Variants in TMTC3 observed in about 807,000 individuals in gnomAD.
TMTC3 encodes the protein transmembrane O-mannosyltransferase targeting cadherins 3.
Under a neutral mutation model 92.2 loss-of-function variants are expected in TMTC3, and 52 were observed. The ratio of observed to expected loss-of-function variants is 0.56; its 90% CI spans 0.45 to 0.71. The LOEUF (loss-of-function observed/expected upper bound fraction) is 0.71. Among genes scored for constraint, TMTC3 ranks in the 30% least tolerant of loss-of-function variants. The pLI is 0.00. For missense variants in TMTC3, 896 were observed against 1,057.1 expected (o/e 0.85, Z 2.11); for synonymous variants, 339 against 363.3 (o/e 0.93, Z 0.76).
chr12:88,174,730 A>C lies in TMTC3; in HGVS notation c.1320+3A>C, dbSNP rs1335522685. ...CATTGTTTATGTCAGCCTTGAAGGT[A>C]AAGTGTTGTTCAGAATGACAGGAAA... On this transcript the variant is annotated splice_donor_region_variant and intron_variant, in intron 9 of 13. Transcript: ENST00000266712. 1 of 1,611,632 alleles carries C rather than the reference A, an allele frequency of 6.2e-7. No homozygotes were observed. Among genetic ancestry groups the C allele is most frequent in the Non-Finnish European group, 8.5e-7 (1 of 1,178,730 alleles).
intron 3 of TMTC3, 117 bp from the exon 4 acceptor site, chr12:88,154,171 T>G (rs2040978136): frequency 1.4e-6 from 1 of 717,670 alleles, no homozygotes; most frequent in African/African-American, 1.8e-5. Context: ...AAAGAATGTT[T>G]AAGAAACAAA....
chr12:88,178,031 T>TA (rs1447831196), intron 10 of TMTC3, among the ~76,000 whole-genome samples: 5 of 152,116 alleles, frequency 3.3e-5, no homozygotes, highest in Middle Eastern at 3.2e-3. Context: ...ATAATAGAGT[T>TA]AAATTACAAT....
chr12:88,164,885 T>G (rs2041126647), intron 6 of TMTC3, among the ~76,000 whole-genome samples: 1 of 152,154 alleles, frequency 6.6e-6, no homozygotes, highest in African/African-American at 2.4e-5. Flanking sequence ...AATAATTACT[T>G]GTTAATATCC....
In TMTC3 at chr12:88,196,752, C is replaced by CAAG. The variant is rs1268863546; in HGVS notation, c.*1104_*1106dup. On this transcript the variant is annotated 3_prime_UTR_variant, in exon 14 of 14. Transcript: ENST00000266712. Reference sequence around the variant, plus strand: ...AAATATTTGAAGCTATTTTAATCATCAAGTATGGAAAACAAATTACTATTG... The same window carrying CAAG: ...AAATATTTGAAGCTATTTTAATCATCAAGAAGTATGGAAAACAAATTACTATTG... The CAAG allele has an allele frequency of 6.6e-6, 1 of 151,694 alleles. No homozygotes were observed. Among genetic ancestry groups the CAAG allele is most frequent in the Non-Finnish European group, 1.5e-5 (1 of 67,762 alleles). 9.4% of individuals were successfully genotyped at this position (151,694 alleles called of 1,614,324 possible). A position where few individuals can be genotyped will look rare whatever the true frequency, so the allele number is the denominator to read the frequency against.
chr12:88,196,848 A>AAAAG lies in TMTC3; in HGVS notation c.*1201_*1204dup, dbSNP rs2041519148. The AAAAG allele has an allele frequency of 6.6e-6, 1 of 151,880 alleles. No individual in the cohort carries two copies. The highest frequency in any genetic ancestry group is 2.4e-5 in the African/African-American group (1 of 41,438). The allele number at this position is 151,880 out of a possible 1,614,324, so 9.4% of individuals were successfully genotyped here. A position where few individuals can be genotyped will look rare whatever the true frequency, so the allele number is the denominator to read the frequency against. On this transcript the variant is annotated 3_prime_UTR_variant, in exon 14 of 14. Transcript: ENST00000266712. The stretch of plus-strand genomic sequence containing the variant: ...CATTTTTGGCCTAATGTCTGGATAT[A>AAAAG]AAAGATAATTAGCCTACTATAGTAT...
chr12:88,172,513 A>T lies in TMTC3; in HGVS notation c.1051-84A>T, dbSNP rs934509619. On this transcript the variant is annotated intron_variant, in intron 7 of 13. Transcript: ENST00000266712. ...AATGATAAAATATTTGGATTCAAGTATCAGATGCCCATATATTTCTTAATT... is the reference window on the plus strand; with the variant it reads ...AATGATAAAATATTTGGATTCAAGTTTCAGATGCCCATATATTTCTTAATT... 1.1e-5 allele frequency: 8 copies of T among 733,742 alleles called. No individual in the cohort carries two copies. In the African/African-American group the frequency reaches 1.3e-4, roughly 12 times the overall value. The allele number at this position is 733,742 out of a possible 1,614,324, so 45.5% of individuals were successfully genotyped here.
At chr12:88,189,361 G>A (rs1461010245) in intron 11 of TMTC3, among the ~76,000 whole-genome samples, 6 of 151,898 alleles carry the variant, frequency 4.0e-5, no homozygotes, top group Non-Finnish European at 7.4e-5. Flanking sequence ...CAAAGTGCTG[G>A]GATTACAGGC....
intron 4 of TMTC3, among the ~76,000 whole-genome samples, chr12:88,159,897 CTT>C (rs2041055758): frequency 6.6e-6 from 1 of 151,842 alleles, no homozygotes; most frequent in Non-Finnish European, 1.5e-5. Context: ...TAATTTTTCT[CTT>C]TGTAAAAAAT....
At chr12:88,190,649 A>G (rs2041432144) in intron 12 of TMTC3, 27 bp downstream of exon 12, 1 of 1,604,214 alleles carries the variant, frequency 6.2e-7, no homozygotes, top group South Asian at 1.1e-5. Flanking sequence ...TTAAGCTATC[A>G]TTATGGAATA....
Position 88,169,715 on chromosome 12 carries a change from G to A in TMTC3, c.1051-2882G>A, listed in dbSNP as rs141530124. Among the ~76,000 whole-genome samples, 32 of 152,236 alleles carry A rather than the reference G, an allele frequency of 2.1e-4. No homozygotes were observed. In the East Asian group the frequency reaches 6.0e-3, roughly 29 times the overall value. On this transcript the variant is annotated intron_variant, in intron 7 of 13. Transcript: ENST00000266712. Reference sequence around the variant, plus strand: ...GTGCCTTGGGAGGCAGAAATGGGAAGATCACTGGAGGCCAGGAGTTTGGGA... The same window carrying A: ...GTGCCTTGGGAGGCAGAAATGGGAAAATCACTGGAGGCCAGGAGTTTGGGA...
rs183013923 is a variant in TMTC3 at position 88,165,860 on chromosome 12, G to T, written c.798-470G>T. 5.7e-4 allele frequency among the ~76,000 whole-genome samples: 86 copies of T among 152,154 alleles called. 2 individuals carry two copies. The highest frequency in any genetic ancestry group is 1.0e-4 in the Non-Finnish European group (7 of 67,940). ...TCTCCATGACAGAAGAAAAATATAC[G>T]AATTTTTTCCAGGAAGCATAATTTT... is the stretch of plus-strand genomic sequence containing the variant. On this transcript the variant is annotated intron_variant, in intron 6 of 13. Coordinates refer to ENST00000266712, the MANE Select transcript of TMTC3 (RefSeq NM_181783.4).
Position 88,190,570 on chromosome 12 carries a change from T to C in TMTC3, c.1654T>C (p.Tyr552His), listed in dbSNP as rs890287780. ...CCGACTGGAAGAAGCAGATCAGCTG[T>C]ACCGTCAAGCAATAAGCATGAGGCC... ...ESRLEEADQL[Y>H]RQAISMRPDF... Residue 552 changes from tyrosine (Y) to histidine (H), a missense_variant, in exon 12 of 14, where the codon TAC becomes CAC. Coordinates refer to ENST00000266712, the MANE Select transcript of TMTC3 (RefSeq NM_181783.4). 2 of 1,613,972 alleles carry C rather than the reference T, an allele frequency of 1.2e-6. No individual in the cohort carries two copies. Among genetic ancestry groups the C allele is most frequent in the Non-Finnish European group, 1.7e-6 (2 of 1,179,910 alleles).
chr12:88,185,851 A>C (rs1160358651), intron 10 of TMTC3, among the ~76,000 whole-genome samples: 1 of 152,064 alleles, frequency 6.6e-6, no homozygotes, highest in Non-Finnish European at 1.5e-5. Context: ...TCATCAATTG[A>C]TTTCATAATG....
rs925289495 is a variant in TMTC3, at chr12:88,166,572, C to G, written c.1040C>G (p.Thr347Ser). The change falls in exon 7 of 14, where the codon ACT becomes AGT. Residue 347 changes from threonine to serine, a missense_variant. Coordinates refer to ENST00000266712, the MANE Select transcript of TMTC3 (RefSeq NM_181783.4). The stretch of plus-strand genomic sequence containing the variant: ...AGATACTCTGGTGATTCCTCCAAGA[C>G]TGTTTTAATGGTAAGAAACTTTTCT... ...SIRYSGDSSK[T>S]VLMALCLMAL... 4.3e-6 allele frequency: 7 copies of G among 1,612,880 alleles called. No homozygotes were observed. Among genetic ancestry groups the G allele is most frequent in the Middle Eastern group, 1.7e-4 (1 of 6,038 alleles).
Position 88,195,252 on chromosome 12 carries a change from A to G in TMTC3, c.2348A>G (p.Glu783Gly). ...CACAATCTTTGTGTTGTTTATTTTGAAGAAAAAGACTTATTAAAAGCTGAA... is the reference window on the plus strand; with the variant it reads ...CACAATCTTTGTGTTGTTTATTTTGGAGAAAAAGACTTATTAAAAGCTGAA... ...GKHNLCVVYF[E>G]EKDLLKAERC... Residue 783 changes from glutamate (E) to glycine (G), a missense_variant, in exon 14 of 14, where the codon GAA (glutamate) becomes GGA (glycine). Physicochemically the swap from Glu to Gly is moderately conservative, Grantham distance 98. Coordinates refer to ENST00000266712, the MANE Select transcript of TMTC3 (RefSeq NM_181783.4). 6.2e-7 allele frequency: 1 copy of G among 1,613,894 alleles called. No homozygotes were observed. The highest frequency in any genetic ancestry group is 8.5e-7 in the Non-Finnish European group (1 of 1,179,916).
intron 4 of TMTC3, among the ~76,000 whole-genome samples, chr12:88,159,165 G>A (rs931866917): frequency 2.7e-5 from 4 of 150,244 alleles, no homozygotes; most frequent in Non-Finnish European, 5.9e-5. Flanking sequence ...TTTTTCATAA[G>A]AAAACTGAAG....
At chr12:88,152,044 A>G (rs2040949265) in intron 2 of TMTC3, among the ~76,000 whole-genome samples, 1 of 152,220 alleles carries the variant, frequency 6.6e-6, no homozygotes, top group South Asian at 2.1e-4. Context: ...TGTGCCAGAA[A>G]GTTACAGCAA....
intron 8 of TMTC3, among the ~76,000 whole-genome samples, chr12:88,173,953 G>C (rs752823159): frequency 6.6e-6 from 1 of 151,948 alleles, no homozygotes; most frequent in Non-Finnish European, 1.5e-5. Context: ...CTAGTTAAGT[G>C]GATCTATCAA....
intron 1 of TMTC3, among the ~76,000 whole-genome samples, chr12:88,144,733 T>TAA (rs1457670816): frequency 6.6e-6 from 1 of 152,222 alleles, no homozygotes; most frequent in African/African-American, 2.4e-5. Flanking sequence ...GCACTGGGGA[T>TAA]ACAGCAGTGA....
Sources: allele counts gnomAD v4.1 joint callset (sites outside exome capture counted in the v4.1 genomes callset), GRCh38; gene constraint gnomAD v4.1.1; transcripts MANE v1.5; gene names NCBI Gene and HGNC (gene_info 2026-07-23, HGNC 2026-07-21).